Variants in PIBF1 observed in about 807,000 individuals in gnomAD.
PIBF1 encodes progesterone immunomodulatory binding factor 1, also known as progesterone-induced-blocking factor 1.
A neutral mutation model predicts 112.5 loss-of-function variants in PIBF1; 90 were observed. The ratio of observed to expected loss-of-function variants is 0.80; its 90% CI spans 0.67 to 0.95. The LOEUF (loss-of-function observed/expected upper bound fraction) is 0.95. PIBF1 is among the 40% of genes least tolerant of loss of function. PIBF1 has a pLI of 0.00. For synonymous variants in PIBF1, 301 were observed against 288.6 expected (o/e 1.04, Z -0.44); for missense variants, 915 against 852.3 (o/e 1.07, Z -0.92).
intron 17 of PIBF1, among the ~76,000 whole-genome samples, chr13:73,013,243 G>A (rs921123247): frequency 1.4e-5 from 2 of 146,614 alleles, no homozygotes; most frequent in African/African-American, 5.1e-5. Flanking sequence ...GGAGCTTGCA[G>A]TGAGCCGAGA....
chr13:72,972,218 A>T (rs1566504928), intron 15 of PIBF1, among the ~76,000 whole-genome samples: 1 of 150,872 alleles, frequency 6.6e-6, no homozygotes, highest in Non-Finnish European at 1.5e-5. Flanking sequence ...TTTTTAAGAG[A>T]TGGGGGTCTC....
intron 17 of PIBF1, among the ~76,000 whole-genome samples, chr13:72,999,440 TAGG>T (rs2043787139): frequency 6.6e-6 from 1 of 152,244 alleles, no homozygotes; most frequent in South Asian, 2.1e-4. Context: ...AGAATTAAAA[TAGG>T]AGTAACATTA....
intron 9 of PIBF1, among the ~76,000 whole-genome samples, chr13:72,850,832 T>C (rs2038112944): frequency 6.6e-6 from 1 of 152,238 alleles, no homozygotes; most frequent in African/African-American, 2.4e-5. Flanking sequence ...TTGAAGGTTG[T>C]TGCAATCAGG....
At chr13:73,003,178 T>C (rs1388813616) in intron 17 of PIBF1, among the ~76,000 whole-genome samples, 2 of 151,990 alleles carry the variant, frequency 1.3e-5, no homozygotes, top group African/African-American at 4.8e-5. Flanking sequence ...ATATAATTGA[T>C]ACATAAGTGG....
chr13:73,013,103 C>T (rs1159323079), intron 17 of PIBF1, among the ~76,000 whole-genome samples: 1 of 150,776 alleles, frequency 6.6e-6, no homozygotes, highest in African/African-American at 2.4e-5. Context: ...AGATCGAGAC[C>T]ATCCTGGCTA....
chr13:72,883,763 C>A (rs2039735746), intron 10 of PIBF1, among the ~76,000 whole-genome samples: 1 of 152,192 alleles, frequency 6.6e-6, no homozygotes, highest in Non-Finnish European at 1.5e-5. Flanking sequence ...TCTGGAATTA[C>A]AAGCGTGAGT....
At chr13:72,875,904 G>T (rs1378472145) in intron 10 of PIBF1, among the ~76,000 whole-genome samples, 1 of 152,016 alleles carries the variant, frequency 6.6e-6, no homozygotes, top group Non-Finnish European at 1.5e-5. Context: ...TCCTTCTCTT[G>T]ATGGTGTCTT....
At chr13:72,929,821 C>G (rs1005955227) in intron 13 of PIBF1, among the ~76,000 whole-genome samples, 3 of 151,878 alleles carry the variant, frequency 2.0e-5, no homozygotes, top group African/African-American at 7.3e-5. Flanking sequence ...GGTATGAGTT[C>G]TTAGAAATAG....
intron 16 of PIBF1, among the ~76,000 whole-genome samples, chr13:72,996,488 G>A (rs9543195): frequency 2.0e-5 from 3 of 152,064 alleles, no homozygotes; most frequent in Non-Finnish European, 4.4e-5. Context: ...TACTAAAATA[G>A]TACCACTACA....
intron 8 of PIBF1, among the ~76,000 whole-genome samples, chr13:72,833,757 C>A (rs1055429996): frequency 6.6e-6 from 1 of 152,172 alleles, no homozygotes; most frequent in Admixed American, 6.5e-5. Context: ...CAGTCTGACC[C>A]TTAGCAGAGT....
chr13:72,872,993 T>C (rs1394850349), intron 10 of PIBF1, among the ~76,000 whole-genome samples: 1 of 152,182 alleles, frequency 6.6e-6, no homozygotes, highest in Non-Finnish European at 1.5e-5. Context: ...TTTGAACACT[T>C]AATTTTGCTG....
rs565366409 is a variant in PIBF1, at chr13:72,965,305, C to T, written c.1865C>T (p.Thr622Ile). The change falls in exon 15 of 18, where the codon ACT becomes ATT. Residue 622 changes from threonine (T) to isoleucine (I), a missense_variant. By Grantham distance (89) the Thr-to-Ile change is moderately conservative (BLOSUM62 -1). Coordinates refer to ENST00000326291, the MANE Select transcript of PIBF1 (RefSeq NM_006346.4). The part of the protein sequence containing the change: ...LDRANSLLNQ[T>I]QQPYRYLIES... Reference sequence around the variant, plus strand: ...AGAGCCAATTCGCTATTAAACCAGACTCAACAGCCTTACAGGTATCTCATT... The same window carrying T: ...AGAGCCAATTCGCTATTAAACCAGATTCAACAGCCTTACAGGTATCTCATT... 3.1e-6 allele frequency: 5 copies of T among 1,611,170 alleles called. No individual in the cohort carries two copies. In the South Asian group the frequency reaches 4.4e-5, roughly 14 times the overall value.
At chr13:72,969,220 T>A (rs1245849471) in intron 15 of PIBF1, among the ~76,000 whole-genome samples, 3 of 152,076 alleles carry the variant, frequency 2.0e-5, no homozygotes, top group Non-Finnish European at 4.4e-5. Context: ...AAATTTTTGG[T>A]TGAAAATTAT....
At chr13:72,835,847 C>A (rs949527867) in intron 9 of PIBF1, among the ~76,000 whole-genome samples, 2 of 152,246 alleles carry the variant, frequency 1.3e-5, no homozygotes, top group Non-Finnish European at 2.9e-5. Flanking sequence ...CGCCTGTAAT[C>A]CCAGCACTTT....
At chr13:72,806,695 C>G (rs2035752929) in intron 5 of PIBF1, among the ~76,000 whole-genome samples, 1 of 152,156 alleles carries the variant, frequency 6.6e-6, no homozygotes, top group Non-Finnish European at 1.5e-5. Flanking sequence ...CTGCAAAGGA[C>G]ATTAACTCTT....
chr13:72,976,534 A>G (rs573064173), intron 16 of PIBF1, among the ~76,000 whole-genome samples: 130 of 152,352 alleles, frequency 8.5e-4, no homozygotes, highest in African/African-American at 3.0e-3. Flanking sequence ...TTAACATTGT[A>G]TAGCTTTTGA....
At chr13:72,790,229 A>G (rs2034826501) in intron 2 of PIBF1, among the ~76,000 whole-genome samples, 1 of 152,136 alleles carries the variant, frequency 6.6e-6, no homozygotes, top group Non-Finnish European at 1.5e-5. Context: ...ATAATAGACT[A>G]AGGGCAGACA....
chr13:72,787,690 A>T (rs1243904946), intron 2 of PIBF1, among the ~76,000 whole-genome samples: 1 of 151,860 alleles, frequency 6.6e-6, no homozygotes, highest in Non-Finnish European at 1.5e-5. Context: ...ACAGAGTCTC[A>T]CTCTGTTGCC....
chr13:72,787,695 G>C (rs989942723), intron 2 of PIBF1, among the ~76,000 whole-genome samples: 2 of 152,032 alleles, frequency 1.3e-5, no homozygotes, highest in Non-Finnish European at 2.9e-5. Flanking sequence ...GTCTCACTCT[G>C]TTGCCCAGGC....
Sources: allele counts gnomAD v4.1 joint callset (sites outside exome capture counted in the v4.1 genomes callset), GRCh38; gene constraint gnomAD v4.1.1; transcripts MANE v1.5; gene names NCBI Gene and HGNC (gene_info 2026-07-23, HGNC 2026-07-21).